APC: variants seen among roughly 807,000 people sequenced by gnomAD.
APC encodes the protein APC regulator of Wnt signaling pathway.
Under a neutral mutation model 247.0 loss-of-function variants are expected in APC, and 72 were observed. The ratio of observed to expected loss-of-function variants is 0.29; its 90% CI spans 0.24 to 0.35. The LOEUF (loss-of-function observed/expected upper bound fraction) is 0.35, where lower values mean the gene tolerates loss of function less well. Ranked by LOEUF, APC falls within the 10% of genes least tolerant of loss-of-function variation. The probability of loss-of-function intolerance (pLI) is 1.00; values close to 1 mark genes in which losing one functional copy is unlikely to be tolerated. For synonymous variants in APC, 1,254 were observed against 1,162.5 expected (o/e 1.08, Z -1.60); for missense variants, 3,400 against 3,360.7 (o/e 1.01, Z -0.29).
chr5:112,773,475 A>T (rs1402791024), intron 4 of APC, among the ~76,000 whole-genome samples: 1 of 152,142 alleles, frequency 6.6e-6, no homozygotes, highest in Non-Finnish European at 1.5e-5. Flanking sequence ...TGCAGTCAAA[A>T]ATATATATAT....
rs367692077 is a variant in APC, at chr5:112,792,666, G to A, written c.729+137G>A. On this transcript the variant is annotated intron_variant, in intron 7 of 15. Coordinates refer to ENST00000257430, the MANE Select transcript of APC (RefSeq NM_000038.6). ...GAATTTAAATACCGTAATTTTTTTC[G>A]TGAAATTAAATTATCAAAGATTTGG... 7.7e-5 allele frequency: 52 copies of A among 671,666 alleles called. 2 individuals are homozygous for A. The highest frequency in any genetic ancestry group is 6.7e-4 in the South Asian group (38 of 56,924). The allele number at this position is 671,666 out of a possible 1,614,324, so 41.6% of individuals were successfully genotyped here.
At position 112,842,422 on chromosome 5, in the gene APC, A is replaced by G. The variant is rs758388956; in HGVS notation, c.6828A>G (p.Pro2276=). ...CCACTTCTCCTAGAGGAGCCAAGCC[A>G]TCTGTGAAATCAGAATTAAGCCCTG... The part of the protein sequence containing the change: ...TATTSPRGAK[P]SVKSELSPVA... Residue 2276 remains proline, a synonymous_variant, in exon 16 of 16, where the codon CCA becomes CCG. Coordinates refer to ENST00000257430, the MANE Select transcript of APC (RefSeq NM_000038.6). 7 of 1,613,950 alleles carry G rather than the reference A, an allele frequency of 4.3e-6. No homozygotes were observed. The highest frequency in any genetic ancestry group is 5.9e-6 in the Non-Finnish European group (7 of 1,179,944).
rs573674156 is a variant in APC, at chr5:112,827,537, A to G, written c.1548+290A>G. 2.7e-3 allele frequency among the ~76,000 whole-genome samples: 252 copies of G among 93,032 alleles called. 3 individuals carry two copies. In the Middle Eastern group the frequency reaches 0.029, roughly 11 times the overall value. 61.0% of individuals were successfully genotyped at this position (93,032 alleles called of 152,430 possible). The stretch of plus-strand genomic sequence containing the variant: ...GATCATTTCTGTGATCCATTACTAG[A>G]GAAGTTTAACTGTGTAGAATTAAAA... On this transcript the variant is annotated intron_variant, in intron 12 of 15. Coordinates refer to ENST00000257430, the MANE Select transcript of APC (RefSeq NM_000038.6).
chr5:112,782,483 C>T (rs188132100), intron 6 of APC, among the ~76,000 whole-genome samples: 1 of 152,190 alleles, frequency 6.6e-6, no homozygotes, highest in Admixed American at 6.5e-5. Flanking sequence ...ATAGTCCATA[C>T]ATGTTAGTTT....
intron 10 of APC, among the ~76,000 whole-genome samples, chr5:112,820,253 A>G (rs1762984253): frequency 1.3e-5 from 2 of 151,910 alleles, no homozygotes; most frequent in Admixed American, 6.6e-5. Flanking sequence ...GTATCAGCCT[A>G]TTGATGTGAA....
At chr5:112,787,881 A>G (rs989952310) in intron 6 of APC, among the ~76,000 whole-genome samples, 3 of 152,164 alleles carry the variant, frequency 2.0e-5, no homozygotes, top group African/African-American at 7.2e-5. Flanking sequence ...GTTTGCTATT[A>G]TGTATGTTGT....
At chr5:112,746,528 T>C (rs1172381376) in intron 1 of APC, among the ~76,000 whole-genome samples, 3 of 152,194 alleles carry the variant, frequency 2.0e-5, no homozygotes, top group Non-Finnish European at 2.9e-5. Flanking sequence ...CTGGGGTTTA[T>C]TTCAGGAATG....
At position 112,834,793 on chromosome 5, in the gene APC, A is replaced by G. The variant is rs74915204; in HGVS notation, c.1744-158A>G. The stretch of plus-strand genomic sequence containing the variant: ...TGATATAAATACTATTTGGTATTTT[A>G]TGAACATTTTTCTAAATGGAAAGTT... On this transcript the variant is annotated intron_variant, in intron 14 of 15. Coordinates refer to ENST00000257430, the MANE Select transcript of APC (RefSeq NM_000038.6). 0.066 allele frequency among the ~76,000 whole-genome samples: 10,036 copies of G among 152,242 alleles called. 406 individuals are homozygous for G. The highest frequency in any genetic ancestry group is 0.14 in the Middle Eastern group (41 of 292).
chr5:112,754,827 C>G (rs1224894114), intron 1 of APC, 46 bp from the exon 2 acceptor site: 10 of 1,596,896 alleles, frequency 6.3e-6, no homozygotes, highest in Non-Finnish European at 7.7e-6. Context: ...CAAGCAGCCA[C>G]TAAATTTTTT....
chr5:112,776,154 A>G (rs1320934575), intron 5 of APC, among the ~76,000 whole-genome samples: 3 of 152,228 alleles, frequency 2.0e-5, no homozygotes, highest in African/African-American at 7.2e-5. Context: ...AATATTCTAG[A>G]TATAAATGCC....
At position 112,843,683 on chromosome 5, in the gene APC, T is replaced by G. The variant is rs1388750461; in HGVS notation, c.8089T>G (p.Ser2697Ala). 6.2e-7 allele frequency: 1 copy of G among 1,613,872 alleles called. No homozygotes were observed. The highest frequency in any genetic ancestry group is 1.1e-5 in the South Asian group (1 of 91,082). ...AAAGGCAAATCCAAACATTAAAGATTCAAAAGATAATCAGGCAAAACAAAA... is the reference window on the plus strand; with the variant it reads ...AAAGGCAAATCCAAACATTAAAGATGCAAAAGATAATCAGGCAAAACAAAA... Reference protein sequence around the residue: ...SEKANPNIKDSKDNQAKQNVG... With the variant: ...SEKANPNIKDAKDNQAKQNVG... Residue 2697 changes from serine to alanine, a missense_variant, in exon 16 of 16, where the codon TCA becomes GCA. Physicochemically the swap from Ser to Ala is moderately conservative, Grantham distance 99. Around this residue, in one of 9 missense-constraint regions of APC, gnomAD observed 1,788 missense variants for 1,649.5 expected, o/e 1.08. Coordinates refer to ENST00000257430, the MANE Select transcript of APC (RefSeq NM_000038.6). The surrounding 1 kb of genome is among the most constrained non-coding windows in gnomAD (Gnocchi z 4.8).
intron 8 of APC, 77 bp downstream of exon 8, chr5:112,801,460 T>C (rs1561515794): frequency 9.1e-7 from 1 of 1,100,302 alleles, no homozygotes; most frequent in East Asian, 2.7e-5. Flanking sequence ...GTTCTAAGAA[T>C]GATCTATAAA....
chr5:112,708,538 G>A (rs1379828536), intron 1 of APC, among the ~76,000 whole-genome samples: 1 of 152,192 alleles, frequency 6.6e-6, no homozygotes, highest in Admixed American at 6.5e-5. Flanking sequence ...TCTAGTGAAA[G>A]AATTGGAAAC....
intron 6 of APC, among the ~76,000 whole-genome samples, chr5:112,785,594 C>G (rs941401564): frequency 6.6e-6 from 1 of 152,078 alleles, no homozygotes; most frequent in Non-Finnish European, 1.5e-5. Flanking sequence ...TTGTTAAAAT[C>G]TATTGTGAAG....
intron 8 of APC, among the ~76,000 whole-genome samples, chr5:112,807,232 A>G (rs1469491214): frequency 6.6e-6 from 1 of 151,932 alleles, no homozygotes. Flanking sequence ...TATCTTCTGT[A>G]TATCAGAGTG....
intron 13 of APC, among the ~76,000 whole-genome samples, 160 bp from the exon 14 acceptor site, chr5:112,828,696 G>T (rs964435997): frequency 1.3e-5 from 2 of 152,034 alleles, no homozygotes; most frequent in Non-Finnish European, 2.9e-5. Context: ...AGATCCTCCT[G>T]CCTCAGCCTC....
In APC at chr5:112,820,974, A is replaced by G. The variant is rs558183715; in HGVS notation, c.1313-922A>G. On this transcript the variant is annotated intron_variant, in intron 10 of 15. Coordinates refer to ENST00000257430, the MANE Select transcript of APC (RefSeq NM_000038.6). ...CCTCCCAGGCTCAAGCACTCCTCCTACCTCAGCCTCCTGAGAGTATCTGGG... is the reference window on the plus strand; with the variant it reads ...CCTCCCAGGCTCAAGCACTCCTCCTGCCTCAGCCTCCTGAGAGTATCTGGG... 8.0e-5 allele frequency among the ~76,000 whole-genome samples: 12 copies of G among 149,110 alleles called. No individual in the cohort carries two copies. The East Asian group carries it at 2.0e-3, about 24-fold the overall frequency.
rs79083929 is a variant in APC, at chr5:112,823,663, A to G, written c.1408+1672A>G. ...TAAGTTTGCACTTATTAGTATTAGA[A>G]GTTTTAGAATATAATTTCCATGATA... is the stretch of plus-strand genomic sequence containing the variant. On this transcript the variant is annotated intron_variant, in intron 11 of 15. Coordinates refer to ENST00000257430, the MANE Select transcript of APC (RefSeq NM_000038.6). 0.054 allele frequency among the ~76,000 whole-genome samples: 8,281 copies of G among 152,256 alleles called. 451 individuals carry two copies. Among genetic ancestry groups the G allele is most frequent in the African/African-American group, 0.14 (5,986 of 41,522 alleles).
chr5:112,818,823 T>A (rs1762775828), intron 9 of APC, 143 bp from the exon 10 acceptor site: 1 of 922,294 alleles, frequency 1.1e-6, no homozygotes, highest in African/African-American at 1.8e-5. Context: ...GGAAAGGTTT[T>A]CCGGTTTTTT....
Sources: gnomAD v4.1 joint callset for allele counts (sites outside exome capture counted in the v4.1 genomes callset) on GRCh38, gnomAD v4.1.1 for gene constraint, gnomAD v4.1.1 regional missense constraint, Gnocchi (gnomAD v3.1) non-coding constraint, MANE v1.5 for transcripts, NCBI Gene and HGNC (gene_info 2026-07-23, HGNC 2026-07-21) for gene names.